Variants in CCDC3 observed in about 807,000 individuals in gnomAD.
The protein encoded by CCDC3 is coiled-coil domain-containing protein 3.
In CCDC3, 24 loss-of-function variants were observed where a neutral mutation model predicts 21.4. The observed-to-expected ratio is 1.12, with a 90% CI of 0.81 to 1.58. CCDC3 has a LOEUF of 1.58. Ranked by LOEUF, CCDC3 falls within the 40% of genes most tolerant of loss-of-function variation. The pLI is 0.00. For missense variants in CCDC3, 425 were observed against 360.9 expected, an observed-to-expected ratio of 1.18 and a Z score of -1.44; for synonymous variants, 186 against 166.0, an observed-to-expected ratio of 1.12 and a Z score of -0.93.
At chr10:12,909,924 C>A (rs1003571388) in intron 2 of CCDC3, among the ~76,000 whole-genome samples, 1 of 152,232 alleles carries the variant, frequency 6.6e-6, no homozygotes, top group Non-Finnish European at 1.5e-5. Context: ...CCACCTTCCT[C>A]CCAAGGGCTG....
intron 5 of CCDC3, among the ~76,000 whole-genome samples, chr10:13,047,236 C>T (rs1588404709): frequency 1.3e-5 from 2 of 152,192 alleles, no homozygotes; most frequent in South Asian, 2.1e-4. Flanking sequence ...TTAGAAAGTC[C>T]TCTTGTGACC....
chr10:12,920,059 C>G (rs930124868), intron 2 of CCDC3, among the ~76,000 whole-genome samples: 2 of 152,086 alleles, frequency 1.3e-5, no homozygotes, highest in Admixed American at 1.3e-4. Context: ...GTGCATTAGT[C>G]TGTTTTCATG....
At chr10:12,933,454 C>CTTTTTTT (rs545950029) in intron 2 of CCDC3, among the ~76,000 whole-genome samples, 5 of 115,830 alleles carry the variant, frequency 4.3e-5, no homozygotes, top group South Asian at 3.7e-4. Flanking sequence ...ATAATATTCC[C>CTTTTTTT]TTTATTTTTT....
At chr10:12,955,987 T>C (rs2895539) in intron 2 of CCDC3, among the ~76,000 whole-genome samples, 77,772 of 151,994 alleles carry the variant, frequency 0.51, 22,481 homozygotes, top group Non-Finnish European at 0.65. Flanking sequence ...GGATTACAGA[T>C]GTCAGCCACA....
upstream of CCDC3, among the ~76,000 whole-genome samples, chr10:13,004,238 G>A (rs1385185991): frequency 6.6e-6 from 1 of 151,334 alleles, no homozygotes; most frequent in Non-Finnish European, 1.5e-5. Flanking sequence ...CATCATTTCA[G>A]TGTGGTGACT....
At chr10:13,084,005 A>G (rs1165894277) in intron 3 of CCDC3, among the ~76,000 whole-genome samples, 1 of 152,232 alleles carries the variant, frequency 6.6e-6, no homozygotes, top group Non-Finnish European at 1.5e-5. Context: ...TTCTGAATAA[A>G]CATTTTATAT....
At chr10:13,089,041 T>A (rs1336703180) in intron 3 of CCDC3, among the ~76,000 whole-genome samples, 5 of 151,742 alleles carry the variant, frequency 3.3e-5, no homozygotes, top group African/African-American at 1.2e-4. Flanking sequence ...GAAAGAAATA[T>A]TAACTGGATA....
At chr10:12,975,862 G>C (rs1835410095) in intron 2 of CCDC3, among the ~76,000 whole-genome samples, 1 of 152,166 alleles carries the variant, frequency 6.6e-6, no homozygotes, top group Non-Finnish European at 1.5e-5. Flanking sequence ...CATCTCCCCT[G>C]GTTTCAGTGA....
At chr10:13,038,374 CAAAA>C (rs58667035) in intron 5 of CCDC3, among the ~76,000 whole-genome samples, 2 of 98,830 alleles carry the variant, frequency 2.0e-5, no homozygotes, top group Non-Finnish European at 2.0e-5. Flanking sequence ...AGTTGGAAAG[CAAAA>C]AAAAAAAAAA....
chr10:12,990,005 C>T (rs1185841659), intron 2 of CCDC3, among the ~76,000 whole-genome samples: 2 of 152,016 alleles, frequency 1.3e-5, no homozygotes, highest in African/African-American at 2.4e-5. Context: ...GTAATACCAG[C>T]ACTTTGGGAG....
chr10:13,047,003 C>G (rs552014378), intron 5 of CCDC3, among the ~76,000 whole-genome samples: 1 of 151,082 alleles, frequency 6.6e-6, no homozygotes, highest in African/African-American at 2.4e-5. Context: ...ACCCAGATAT[C>G]TGTTCACCCT....
chr10:13,019,043 C>T (rs1836109752), intron 5 of CCDC3, among the ~76,000 whole-genome samples: 1 of 151,554 alleles, frequency 6.6e-6, no homozygotes, highest in African/African-American at 2.4e-5. Flanking sequence ...ACCATCCTGG[C>T]TAACACGGTG....
chr10:12,994,568 C>T (rs528119263), intron 2 of CCDC3, among the ~76,000 whole-genome samples: 3 of 152,106 alleles, frequency 2.0e-5, no homozygotes, highest in South Asian at 4.2e-4. Flanking sequence ...TTAGAATATG[C>T]GGAGTGTTAG....
At position 13,078,965 on chromosome 10, in the gene CCDC3, C is replaced by T. The variant is rs1434762286; in HGVS notation, c.-502-4865G>A. Among the ~76,000 whole-genome samples the T allele has an allele frequency of 7.9e-5, 12 of 152,162 alleles. No homozygotes were observed. The South Asian group carries it at 2.5e-3, about 32-fold the overall frequency. ...ACATGGCACATGTATACATATATAA[C>T]TAATCTGCACATTGTGCACATGTAC... is the stretch of plus-strand genomic sequence containing the variant. On this transcript the variant is annotated intron_variant, in intron 3 of 6. Coordinates refer to the CCDC3 transcript ENST00000378839.
At chr10:13,058,359 G>A (rs1314718402) in intron 4 of CCDC3, 1 of 1,103,458 alleles carries the variant, frequency 9.1e-7, no homozygotes, top group African/African-American at 1.5e-5. Context: ...AGAATCCTGT[G>A]GGTCAGCAGC....
rs1046143103 is a variant in CCDC3 at position 12,970,315 on chromosome 10, T to C, written c.549+28023A>G. Among the ~76,000 whole-genome samples, 4 of 152,316 alleles carry C rather than the reference T, an allele frequency of 2.6e-5. No individual in the cohort carries two copies. The East Asian group carries it at 5.8e-4, about 22-fold the overall frequency. On this transcript the variant is annotated intron_variant, in intron 2 of 2. Coordinates refer to ENST00000378825, the MANE Select transcript of CCDC3 (RefSeq NM_031455.4). ...GGTTCAATATACAATAGTTCAACTT[T>C]ACCGTGGGTTCACTGGGGTATTAAA...
chr10:12,944,270 C>T (rs530704721), intron 2 of CCDC3, among the ~76,000 whole-genome samples: 1 of 152,242 alleles, frequency 6.6e-6, no homozygotes, highest in African/African-American at 2.4e-5. Flanking sequence ...AGAAGACATT[C>T]ACCATCCATT....
chr10:12,906,795 T>C (rs966620720), intron 2 of CCDC3, among the ~76,000 whole-genome samples: 1 of 152,168 alleles, frequency 6.6e-6, no homozygotes, highest in Admixed American at 6.5e-5. Context: ...TAGCACCTGG[T>C]GTAGGGTGAA....
chr10:12,982,565 G>A lies in CCDC3; in HGVS notation c.549+15773C>T, dbSNP rs1242933743. On this transcript the variant is annotated intron_variant, in intron 2 of 2. Coordinates refer to ENST00000378825, the MANE Select transcript of CCDC3 (RefSeq NM_031455.4). ...TCCCAACACTTTGGGAGGCCGAGGT[G>A]GGTGGATCATTTGAGGTTAGGAGTT... Among the ~76,000 whole-genome samples, 5 of 151,816 alleles carry A rather than the reference G, an allele frequency of 3.3e-5. No individual in the cohort carries two copies. The East Asian group carries it at 9.7e-4, about 29-fold the overall frequency.
Sources: gnomAD v4.1 joint callset for allele counts (sites outside exome capture counted in the v4.1 genomes callset) on GRCh38, gnomAD v4.1.1 for gene constraint, MANE v1.5 for transcripts, NCBI Gene and HGNC (gene_info 2026-07-23, HGNC 2026-07-21) for gene names.